Variants in MCPH1 observed in about 807,000 individuals in gnomAD.
MCPH1 encodes the protein microcephalin 1.
Under a neutral mutation model 84.5 loss-of-function variants are expected in MCPH1, and 104 were observed. The observed-to-expected ratio is 1.23, with a 90% CI of 1.05 to 1.45. MCPH1 has a LOEUF of 1.45. Among genes scored for constraint, MCPH1 ranks in the 40% most tolerant of loss-of-function variants. The probability of loss-of-function intolerance (pLI) is 0.00; values close to 1 mark genes in which losing one functional copy is unlikely to be tolerated. For synonymous variants in MCPH1, 514 were observed against 366.8 expected (o/e 1.40, Z -4.58); for missense variants, 1,498 against 1,005.7 (o/e 1.49, Z -6.62).
intron 13 of MCPH1, chr8:6,625,975 G>C: frequency 2.0e-6 from 2 of 985,164 alleles, no homozygotes; most frequent in Middle Eastern, 5.2e-4. Context: ...GGCCAGAGGA[G>C]GGAAAGGAAG....
At chr8:6,523,153 A>G (rs1817682180) in intron 12 of MCPH1, among the ~76,000 whole-genome samples, 1 of 152,006 alleles carries the variant, frequency 6.6e-6, no homozygotes, top group African/African-American at 2.4e-5. Flanking sequence ...GCATGTCACC[A>G]TGTCAGGCTA....
chr8:6,429,457 GGGTTCTGAGCTCCA>G (rs749825918), intron 3 of MCPH1, among the ~76,000 whole-genome samples: 4 of 151,840 alleles, frequency 2.6e-5, no homozygotes, highest in Admixed American at 1.3e-4. Context: ...TGCCCTTGAG[GGGTTCTGAGCTCCA>G]GGTTCTGAGC....
At chr8:6,467,978 C>T (rs12545613) in intron 9 of MCPH1, among the ~76,000 whole-genome samples, 19,254 of 152,170 alleles carry the variant, frequency 0.13, 1,301 homozygotes, top group Middle Eastern at 0.24. Context: ...GCCAGGAAAT[C>T]CATGAATTTG....
chr8:6,585,393 G>A (rs10110316), intron 12 of MCPH1, among the ~76,000 whole-genome samples: 14,916 of 152,244 alleles, frequency 0.098, 791 homozygotes, highest in South Asian at 0.21. Context: ...ACCACAGCTG[G>A]AAGCGTGGCC....
rs17077110 is a variant in MCPH1 at position 6,482,601 on chromosome 8, A to T, written c.2136+1725A>T. On this transcript the variant is annotated intron_variant, in intron 11 of 13. Transcript: ENST00000344683. Reference sequence around the variant, plus strand: ...CTGTACAGGATTCCTTACCCAACTTATTCTTCTGGGACTTGGAGCAGTCCA... The same window carrying T: ...CTGTACAGGATTCCTTACCCAACTTTTTCTTCTGGGACTTGGAGCAGTCCA... Among the ~76,000 whole-genome samples the T allele has an allele frequency of 1.3e-4, 20 of 152,332 alleles. 1 individual carries two copies. The East Asian group carries it at 1.7e-3, about 13-fold the overall frequency.
chr8:6,634,526 A>G (rs544379695), intron 13 of MCPH1, among the ~76,000 whole-genome samples: 1 of 152,252 alleles, frequency 6.6e-6, no homozygotes, highest in Non-Finnish European at 1.5e-5. Context: ...GCAGGCACGC[A>G]TAAGTGTAAA....
At chr8:6,567,526 C>T (rs1168922152) in intron 12 of MCPH1, among the ~76,000 whole-genome samples, 1 of 152,162 alleles carries the variant, frequency 6.6e-6, no homozygotes, top group African/African-American at 2.4e-5. Flanking sequence ...ATTAAGGATG[C>T]CAGGTGGGGA....
At chr8:6,438,887 G>A (rs1045192543) in intron 5 of MCPH1, 66 bp from the exon 6 acceptor site, 3 of 1,483,150 alleles carry the variant, frequency 2.0e-6, no homozygotes, top group Non-Finnish European at 2.8e-6. Context: ...TTCTTTAAAA[G>A]GAATCACATT....
intron 3 of MCPH1, 52 bp downstream of exon 3, chr8:6,414,935 G>A (rs1193160657): frequency 1.3e-6 from 2 of 1,587,504 alleles, no homozygotes; most frequent in Non-Finnish European, 1.7e-6. Flanking sequence ...TATTGAAAAT[G>A]TGTGGAGATA....
chr8:6,439,451 C>A (rs1260027669), intron 6 of MCPH1, among the ~76,000 whole-genome samples: 3 of 148,414 alleles, frequency 2.0e-5, no homozygotes, highest in Admixed American at 6.8e-5. Context: ...AGTGCAGTGG[C>A]GCGATCTGGG....
intron 12 of MCPH1, among the ~76,000 whole-genome samples, chr8:6,531,097 C>T (rs988586042): frequency 3.9e-5 from 6 of 152,096 alleles, no homozygotes; most frequent in African/African-American, 1.4e-4. Flanking sequence ...CGGGCTTGGC[C>T]GCCGAGAGTC....
intron 1 of MCPH1, among the ~76,000 whole-genome samples, chr8:6,408,964 C>A (rs1798145164): frequency 6.6e-6 from 1 of 151,982 alleles, no homozygotes; most frequent in South Asian, 2.1e-4. Flanking sequence ...CGGCTCACTG[C>A]AACCTCTGCC....
intron 12 of MCPH1, among the ~76,000 whole-genome samples, chr8:6,542,702 C>G (rs1485843460): frequency 6.6e-6 from 1 of 152,034 alleles, no homozygotes; most frequent in Non-Finnish European, 1.5e-5. Context: ...CCTCTCTGCC[C>G]TGTTTTTGCT....
chr8:6,588,739 G>T (rs1220356478), intron 12 of MCPH1, among the ~76,000 whole-genome samples: 1 of 152,252 alleles, frequency 6.6e-6, no homozygotes, highest in African/African-American at 2.4e-5. Context: ...CCTCTCCATA[G>T]TTCTTCCCAT....
intron 12 of MCPH1, chr8:6,500,931 G>T (rs58788193): frequency 6.6e-6 from 1 of 152,180 alleles, no homozygotes; most frequent in Non-Finnish European, 1.5e-5. Flanking sequence ...TCCTGCATTA[G>T]CGTTTCCCTA....
At chr8:6,477,653 T>C in intron 10 of MCPH1, 22 bp downstream of exon 10, 1 of 1,605,274 alleles carries the variant, frequency 6.2e-7, no homozygotes, top group Non-Finnish European at 8.5e-7. Flanking sequence ...TTTTGATTTC[T>C]GTTCAATGTA....
chr8:6,576,682 ATTTTTTTTTTTTTT>A (rs58486084), intron 12 of MCPH1, among the ~76,000 whole-genome samples: 400 of 42,128 alleles, frequency 9.5e-3, no homozygotes, highest in East Asian at 0.012. Context: ...TAATTTTTGT[ATTTTTTTTTTTTTT>A]TTTTTTTTTT....
chr8:6,438,746 G>A (rs1803041441), intron 5 of MCPH1, among the ~76,000 whole-genome samples: 1 of 152,210 alleles, frequency 6.6e-6, no homozygotes, highest in South Asian at 2.1e-4. Flanking sequence ...GGTGAGGGCA[G>A]TTGCTCAGCA....
In MCPH1 at chr8:6,645,129, G is replaced by A. The variant is rs1798150136; in HGVS notation, c.*2080G>A. 1 of 152,290 alleles carries A rather than the reference G, an allele frequency of 6.6e-6. No homozygotes were observed. 9.4% of individuals were successfully genotyped at this position (152,290 alleles called of 1,614,324 possible). On this transcript the variant is annotated 3_prime_UTR_variant, in exon 14 of 14. Transcript: ENST00000344683. ...TTGTGCTGACTCATGCTGGAGACAA[G>A]CCACAGAGAACTTCCATCCCCCACC...
Sources: gnomAD v4.1 joint callset for allele counts (sites outside exome capture counted in the v4.1 genomes callset) on GRCh38, gnomAD v4.1.1 for gene constraint, MANE v1.5 for transcripts, NCBI Gene and HGNC (gene_info 2026-07-23, HGNC 2026-07-21) for gene names.